Variants in CHN2 observed in about 807,000 individuals in gnomAD.
CHN2 encodes the protein chimerin 2.
In CHN2, 35 loss-of-function variants were observed where a neutral mutation model predicts 56.3. The ratio of observed to expected loss-of-function variants is 0.62; its 90% CI spans 0.47 to 0.82. The LOEUF is 0.82. Among genes scored for constraint, CHN2 ranks in the 40% least tolerant of loss-of-function variants. CHN2 has a pLI of 0.00. For synonymous variants in CHN2, 210 were observed against 212.8 expected, an observed-to-expected ratio of 0.99 and a Z score of 0.12; for missense variants, 491 against 580.5, an observed-to-expected ratio of 0.85 and a Z score of 1.58.
intron 6 of CHN2, chr7:29,479,847 T>C (rs1257057361): frequency 2.1e-5 from 28 of 1,329,360 alleles, no homozygotes; most frequent in Non-Finnish European, 2.6e-5. Context: ...TTCTGGGGGT[T>C]GCTGTGCACA....
rs1021904234 is a variant in CHN2, at chr7:29,386,307, G to A, written c.145-7372G>A. 2.6e-5 allele frequency among the ~76,000 whole-genome samples: 4 copies of A among 152,004 alleles called. No individual in the cohort carries two copies. The East Asian group carries it at 7.7e-4, about 29-fold the overall frequency. The stretch of plus-strand genomic sequence containing the variant: ...GTATTTATTTTTTGTGGATGAAATT[G>A]CCCCAGTATCACCAGCACAAATCCC... On this transcript the variant is annotated intron_variant, in intron 3 of 12. Coordinates refer to ENST00000222792, the MANE Select transcript of CHN2 (RefSeq NM_004067.4).
chr7:29,423,211 C>A (rs2128107141), intron 6 of CHN2, among the ~76,000 whole-genome samples: 1 of 152,210 alleles, frequency 6.6e-6, no homozygotes, highest in East Asian at 1.9e-4. Flanking sequence ...TATGTCCCAG[C>A]CCAGTGATGG....
intron 1 of CHN2, among the ~76,000 whole-genome samples, chr7:29,321,760 G>A (rs1795379324): frequency 6.6e-6 from 1 of 151,838 alleles, no homozygotes; most frequent in African/African-American, 2.4e-5. Context: ...AGTAGAGACG[G>A]GGTTTCTCCA....
chr7:29,348,448 T>G (rs1486882498), intron 1 of CHN2, among the ~76,000 whole-genome samples: 4 of 152,236 alleles, frequency 2.6e-5, no homozygotes, highest in African/African-American at 7.2e-5. Flanking sequence ...TTACCCATTT[T>G]TTAAAGGTTT....
chr7:29,237,191 A>T (rs1787264355), intron 1 of CHN2, among the ~76,000 whole-genome samples: 1 of 152,186 alleles, frequency 6.6e-6, no homozygotes, highest in Non-Finnish European at 1.5e-5. Flanking sequence ...TCCATTTTCC[A>T]TTATAATGTA....
intron 1 of CHN2, among the ~76,000 whole-genome samples, chr7:29,317,724 A>G (rs1473265020): frequency 6.6e-6 from 1 of 152,162 alleles, no homozygotes; most frequent in Non-Finnish European, 1.5e-5. Context: ...GGGAACATAT[A>G]ATTGAAGTGG....
chr7:29,329,571 G>A (rs2128902334), intron 1 of CHN2, among the ~76,000 whole-genome samples: 1 of 152,212 alleles, frequency 6.6e-6, no homozygotes, highest in East Asian at 1.9e-4. Context: ...GAAAAGTGGT[G>A]AGGAAAGAAT....
At chr7:29,402,950 A>G (rs1314730736) in intron 6 of CHN2, among the ~76,000 whole-genome samples, 1 of 152,172 alleles carries the variant, frequency 6.6e-6, no homozygotes, top group Non-Finnish European at 1.5e-5. Flanking sequence ...GCCACCCAAT[A>G]TACATTTACC....
At chr7:29,304,800 A>G (rs1284280337) in intron 1 of CHN2, among the ~76,000 whole-genome samples, 1 of 152,160 alleles carries the variant, frequency 6.6e-6, no homozygotes, top group Non-Finnish European at 1.5e-5. Context: ...CCAGAGAGAG[A>G]GGCTTCAGCT....
At chr7:29,147,054 T>C in intron 2 of CHN2, 3 of 1,501,716 alleles carry the variant, frequency 2.0e-6, no homozygotes, top group Non-Finnish European at 2.7e-6. Context: ...TGTACCATTA[T>C]ACCCATTTTG....
intron 1 of CHN2, among the ~76,000 whole-genome samples, chr7:29,223,059 T>C (rs1785926659): frequency 6.6e-6 from 1 of 152,128 alleles, no homozygotes; most frequent in South Asian, 2.1e-4. Flanking sequence ...TTGAAAAAGC[T>C]TTCAGAGAAG....
At chr7:29,484,084 G>T in intron 7 of CHN2, 19 of 398,492 alleles carry the variant, frequency 4.8e-5, no homozygotes, top group Non-Finnish European at 6.0e-5. Context: ...TCTTCTTCAT[G>T]GCTTTTTTTC....
chr7:29,468,143 C>G (rs1291413253), intron 6 of CHN2, among the ~76,000 whole-genome samples: 2 of 66,448 alleles, frequency 3.0e-5, no homozygotes, highest in Admixed American at 1.2e-4. Context: ...CGGACCCGCC[C>G]CCCCCCCCCC....
At chr7:29,188,484 T>C (rs1207392078) in intron 2 of CHN2, among the ~76,000 whole-genome samples, 2 of 152,216 alleles carry the variant, frequency 1.3e-5, no homozygotes, top group Non-Finnish European at 1.5e-5. Context: ...GGCTCAGATA[T>C]TGTGTCTGTT....
chr7:29,195,623 A>T (rs893087848), intron 1 of CHN2, among the ~76,000 whole-genome samples: 27 of 128,172 alleles, frequency 2.1e-4, no homozygotes, highest in African/African-American at 8.4e-4. Context: ...AGAGAGAGAG[A>T]GAGAGAGTGT....
chr7:29,155,040 C>T (rs576209594), intron 2 of CHN2, among the ~76,000 whole-genome samples: 9 of 152,206 alleles, frequency 5.9e-5, no homozygotes, highest in African/African-American at 2.2e-4. Flanking sequence ...CTCTTTAAAA[C>T]CATCAGATCT....
At chr7:29,334,514 G>GCC (rs879667758) in intron 1 of CHN2, 40,371 of 151,930 alleles carry the variant, frequency 0.27, 5,943 homozygotes, top group African/African-American at 0.4. Flanking sequence ...TAGCAATTTG[G>GCC]AAGCCCAAGG....
chr7:29,239,250 T>C (rs1219201789), intron 1 of CHN2, among the ~76,000 whole-genome samples: 1 of 152,124 alleles, frequency 6.6e-6, no homozygotes, highest in African/African-American at 2.4e-5. Flanking sequence ...TTGCTGACTG[T>C]CTGGACATGG....
At chr7:29,298,025 C>A (rs1373697060) in intron 1 of CHN2, among the ~76,000 whole-genome samples, 3 of 152,184 alleles carry the variant, frequency 2.0e-5, no homozygotes, top group African/African-American at 7.2e-5. Flanking sequence ...AGAGCATCTT[C>A]CTTGCATCCC....
Sources: allele counts gnomAD v4.1 joint callset (sites outside exome capture counted in the v4.1 genomes callset), GRCh38; gene constraint gnomAD v4.1.1; transcripts MANE v1.5; gene names NCBI Gene and HGNC (gene_info 2026-07-23, HGNC 2026-07-21).